The following LINGO2 variants were observed in gnomAD, a reference collection of about 807,000 sequenced individuals.
LINGO2 encodes the protein leucine rich repeat and Ig domain containing 2.
A neutral mutation model predicts 30.6 loss-of-function variants in LINGO2; 14 were observed. That is an observed-to-expected ratio of 0.46 (90% confidence interval 0.30 to 0.72). The LOEUF (loss-of-function observed/expected upper bound fraction) is 0.72. Among genes scored for constraint, LINGO2 ranks in the 30% least tolerant of loss-of-function variants. LINGO2 has a pLI of 0.07. For synonymous variants in LINGO2, 317 were observed against 288.5 expected (o/e 1.10, Z -1.00); for missense variants, 729 against 751.7 (o/e 0.97, Z 0.35).
chr9:28,087,223 T>G (rs2133244835), intron 4 of LINGO2, among the ~76,000 whole-genome samples: 1 of 152,210 alleles, frequency 6.6e-6, no homozygotes, highest in African/African-American at 2.4e-5. Flanking sequence ...TGAGATTAAC[T>G]GAGCCCAGAC....
the LINGO2 span, among the ~76,000 whole-genome samples, chr9:28,882,709 C>A: frequency 2.0e-5 from 3 of 152,142 alleles, no homozygotes; most frequent in African/African-American, 7.2e-5. Flanking sequence ...GTGGACCACA[C>A]TGACACATAT....
At chr9:29,085,267 T>C in the LINGO2 span, among the ~76,000 whole-genome samples, 5 of 49,096 alleles carry the variant, frequency 1.0e-4, no homozygotes, top group Non-Finnish European at 1.7e-4. Context: ...ATCAACAAAA[T>C]AGCCTATGGT....
chr9:29,083,069 C>A, the LINGO2 span, among the ~76,000 whole-genome samples: 2 of 152,208 alleles, frequency 1.3e-5, no homozygotes, highest in East Asian at 1.9e-4. Context: ...TTGACCCAGC[C>A]ATCCCATTAC....
At chr9:28,120,060 C>T (rs1348332586) in intron 4 of LINGO2, among the ~76,000 whole-genome samples, 6 of 152,066 alleles carry the variant, frequency 3.9e-5, no homozygotes, top group African/African-American at 7.2e-5. Flanking sequence ...CAATTGGGAA[C>T]GGCTCTTTAA....
intron 4 of LINGO2, among the ~76,000 whole-genome samples, chr9:28,238,309 A>G (rs2133962743): frequency 6.6e-6 from 1 of 152,290 alleles, no homozygotes; most frequent in African/African-American, 2.4e-5. Context: ...CCTAATAGAT[A>G]TATACAGAAC....
chr9:28,474,042 G>T (rs1047918898), intron 2 of LINGO2, among the ~76,000 whole-genome samples: 2 of 152,100 alleles, frequency 1.3e-5, no homozygotes, highest in Non-Finnish European at 2.9e-5. Flanking sequence ...CTTTGACACA[G>T]ATGGTAAAAT....
At chr9:29,006,074 G>C in the LINGO2 span, among the ~76,000 whole-genome samples, 1 of 151,028 alleles carries the variant, frequency 6.6e-6, no homozygotes, top group African/African-American at 2.4e-5. Context: ...TATTTAAAAG[G>C]GACTTTTATT....
At chr9:27,986,428 G>A (rs1264152447) in intron 5 of LINGO2, among the ~76,000 whole-genome samples, 2 of 151,898 alleles carry the variant, frequency 1.3e-5, no homozygotes, top group Non-Finnish European at 2.9e-5. Context: ...GCTGTCCACA[G>A]CCATTACAGT....
At chr9:28,055,501 T>C (rs966860222) in intron 4 of LINGO2, among the ~76,000 whole-genome samples, 1 of 152,180 alleles carries the variant, frequency 6.6e-6, no homozygotes, top group African/African-American at 2.4e-5. Context: ...GGTTCACTTT[T>C]AGGAAAATGT....
the LINGO2 span, among the ~76,000 whole-genome samples, chr9:28,720,313 T>C: frequency 6.6e-6 from 1 of 152,106 alleles, no homozygotes; most frequent in African/African-American, 2.4e-5. Flanking sequence ...GAGATGTTTC[T>C]GAACTGTTTG....
At chr9:28,082,283 G>A (rs1164294580) in intron 4 of LINGO2, among the ~76,000 whole-genome samples, 2 of 152,100 alleles carry the variant, frequency 1.3e-5, no homozygotes, top group Admixed American at 6.5e-5. Flanking sequence ...AATTGGTAAT[G>A]GAAACTTAAG....
chr9:28,458,043 G>T (rs1369207953), intron 2 of LINGO2, among the ~76,000 whole-genome samples: 2 of 152,126 alleles, frequency 1.3e-5, no homozygotes, highest in African/African-American at 2.4e-5. Context: ...ATGCTGTTCT[G>T]CTTAATAGTA....
intron 4 of LINGO2, among the ~76,000 whole-genome samples, chr9:28,269,146 C>A (rs1329140622): frequency 1.3e-5 from 2 of 152,024 alleles, no homozygotes; most frequent in African/African-American, 4.8e-5. Context: ...TTAAACATGT[C>A]CATTTCTTGT....
chr9:28,876,920 C>T, the LINGO2 span, among the ~76,000 whole-genome samples: 386 of 152,188 alleles, frequency 2.5e-3, 2 homozygotes, highest in Admixed American at 4.4e-3. Flanking sequence ...CTGTTGTTTC[C>T]TGACTTTTTA....
At chr9:27,963,762 A>C (rs112621365) in intron 5 of LINGO2, among the ~76,000 whole-genome samples, 3 of 151,464 alleles carry the variant, frequency 2.0e-5, no homozygotes, top group Non-Finnish European at 4.4e-5. Flanking sequence ...AAGCAAGCAA[A>C]GGTTTTAATG....
At chr9:28,289,583 T>C (rs993165188) in intron 4 of LINGO2, among the ~76,000 whole-genome samples, 1 of 152,200 alleles carries the variant, frequency 6.6e-6, no homozygotes, top group African/African-American at 2.4e-5. Flanking sequence ...AAGATAATTA[T>C]TAATTGCATT....
the LINGO2 span, chr9:27,940,743 T>C: frequency 2.2e-4 from 34 of 152,206 alleles, no homozygotes; most frequent in Admixed American, 1.8e-3. Flanking sequence ...CACAGAACTA[T>C]GAAGAACTTC....
chr9:28,475,354 T>C (rs1825687579), intron 2 of LINGO2, among the ~76,000 whole-genome samples: 1 of 152,098 alleles, frequency 6.6e-6, no homozygotes, highest in East Asian at 1.9e-4. Context: ...AAATAGAAAT[T>C]TTGGCAGTGG....
chr9:28,050,079 T>C (rs1824602576), intron 4 of LINGO2, among the ~76,000 whole-genome samples: 1 of 150,530 alleles, frequency 6.6e-6, no homozygotes, highest in South Asian at 2.1e-4. Flanking sequence ...AAGGTAGGGC[T>C]TTGTGATTAG....
Sources: allele counts gnomAD v4.1 joint callset (sites outside exome capture counted in the v4.1 genomes callset), GRCh38; gene constraint gnomAD v4.1.1; transcripts MANE v1.5; gene names NCBI Gene and HGNC (gene_info 2026-07-23, HGNC 2026-07-21).